The following DPP6 variants were observed in gnomAD, a reference collection of about 807,000 sequenced individuals.
DPP6 encodes the protein A-type potassium channel modulatory protein DPP6.
DPP6 carries 69 observed loss-of-function variants against 122.6 expected under a neutral mutation model. The ratio of observed to expected loss-of-function variants is 0.56; its 90% CI spans 0.46 to 0.69. The LOEUF (loss-of-function observed/expected upper bound fraction) is 0.69, where lower values mean the gene tolerates loss of function less well. Among genes scored for constraint, DPP6 ranks in the 30% least tolerant of loss-of-function variants. The pLI, the probability that DPP6 is intolerant of heterozygous loss-of-function variation, is 0.00. For missense variants in DPP6, 928 were observed against 1,116.9 expected, an observed-to-expected ratio of 0.83 and a Z score of 2.41; for synonymous variants, 418 against 433.1, an observed-to-expected ratio of 0.97 and a Z score of 0.43.
chr7:154,763,580 G>A (rs1380132155), intron 8 of DPP6, among the ~76,000 whole-genome samples: 5 of 152,032 alleles, frequency 3.3e-5, no homozygotes, highest in East Asian at 1.9e-4. Context: ...AGCAGCCTGC[G>A]TGCTCCTAAT....
intron 1 of DPP6, 52 bp downstream of exon 1, chr7:154,053,115 C>G: frequency 9.6e-7 from 1 of 1,045,604 alleles, no homozygotes; most frequent in Non-Finnish European, 1.2e-6. Flanking sequence ...GGGCTGAGCG[C>G]GCAGCGAGAC....
At chr7:154,638,076 C>T (rs567717355) in intron 6 of DPP6, among the ~76,000 whole-genome samples, 3 of 152,168 alleles carry the variant, frequency 2.0e-5, no homozygotes, top group African/African-American at 4.8e-5. Context: ...CCACTCACTT[C>T]CCCATTTGTG....
intron 1 of DPP6, among the ~76,000 whole-genome samples, chr7:154,158,529 G>A (rs3102257): frequency 0.023 from 3,434 of 151,316 alleles, 176 homozygotes; most frequent in African/African-American, 0.079. Context: ...AGGCTATTCC[G>A]AAGAAACAGA....
At chr7:154,615,182 C>A (rs2130824220) in intron 5 of DPP6, among the ~76,000 whole-genome samples, 1 of 150,962 alleles carries the variant, frequency 6.6e-6, no homozygotes, top group South Asian at 2.1e-4. Context: ...GGAGCCAGAA[C>A]CAGAGCCAAA....
At chr7:154,518,896 G>A (rs1352450011) in intron 3 of DPP6, among the ~76,000 whole-genome samples, 1 of 152,112 alleles carries the variant, frequency 6.6e-6, no homozygotes, top group Non-Finnish European at 1.5e-5. Context: ...CCTGTCTGAG[G>A]TTCCACAGTT....
intron 6 of DPP6, among the ~76,000 whole-genome samples, chr7:154,645,829 C>T (rs530990976): frequency 2.6e-5 from 4 of 152,032 alleles, no homozygotes; most frequent in African/African-American, 9.6e-5. Context: ...GAGATCAAGA[C>T]CAGCCTGGCT....
intron 1 of DPP6, among the ~76,000 whole-genome samples, chr7:153,945,575 G>A (rs968838739): frequency 3.3e-5 from 5 of 152,178 alleles, no homozygotes; most frequent in African/African-American, 1.2e-4. Context: ...AGAGGCACAG[G>A]GTTGGCGGTG....
At chr7:154,266,195 G>A (rs940150960) in intron 1 of DPP6, among the ~76,000 whole-genome samples, 6 of 152,178 alleles carry the variant, frequency 3.9e-5, no homozygotes, top group African/African-American at 9.7e-5. Context: ...GCTACACTGT[G>A]TACACTGGTT....
At chr7:154,199,052 G>A (rs528831232) in intron 1 of DPP6, among the ~76,000 whole-genome samples, 64 of 152,024 alleles carry the variant, frequency 4.2e-4, no homozygotes, top group Non-Finnish European at 8.7e-4. Flanking sequence ...CCAAATGTGG[G>A]GACACCTGGC....
chr7:154,580,945 C>A (rs1832023748), intron 5 of DPP6, among the ~76,000 whole-genome samples: 1 of 152,176 alleles, frequency 6.6e-6, no homozygotes, highest in African/African-American at 2.4e-5. Flanking sequence ...CTGACAGAAG[C>A]CTTCCCAGTG....
chr7:154,659,705 T>G (rs553878703), intron 6 of DPP6, among the ~76,000 whole-genome samples: 1 of 152,290 alleles, frequency 6.6e-6, no homozygotes, highest in African/African-American at 2.4e-5. Flanking sequence ...ACTTCACAAC[T>G]TCCTCCCCAC....
In DPP6 at chr7:154,863,440, C is replaced by T. The variant is rs532289807; in HGVS notation, c.1715-4555C>T. On this transcript the variant is annotated intron_variant, in intron 17 of 25. Transcript: ENST00000377770. The surrounding 1 kb of genome is among the most constrained non-coding windows in gnomAD (Gnocchi z 4.1). ...TCAAGCTATCCTCCCACTGCAGCCTCGACCTCCAGAGCTCAAGCTGTCCTC... is the reference window on the plus strand; with the variant it reads ...TCAAGCTATCCTCCCACTGCAGCCTTGACCTCCAGAGCTCAAGCTGTCCTC... 6.7e-6 allele frequency among the ~76,000 whole-genome samples: 1 copy of T among 148,842 alleles called. No homozygotes were observed. The highest frequency in any genetic ancestry group is 2.5e-5 in the African/African-American group (1 of 40,530).
intron 1 of DPP6, among the ~76,000 whole-genome samples, chr7:154,060,260 C>T (rs545760083): frequency 7.5e-6 from 1 of 133,690 alleles, no homozygotes; most frequent in East Asian, 2.1e-4. Context: ...GGCGGAGGCA[C>T]CCCCCGCGAG....
chr7:154,196,067 G>C (rs762583912), intron 1 of DPP6, among the ~76,000 whole-genome samples: 5 of 152,086 alleles, frequency 3.3e-5, no homozygotes, highest in Non-Finnish European at 7.3e-5. Flanking sequence ...TATCATTTTC[G>C]CTCCATCGGA....
At chr7:154,316,201 A>C (rs1269153451) in intron 1 of DPP6, among the ~76,000 whole-genome samples, 1 of 152,168 alleles carries the variant, frequency 6.6e-6, no homozygotes, top group Non-Finnish European at 1.5e-5. Context: ...TTAAAGTGTC[A>C]TAGCCACTCT....
the DPP6 span, among the ~76,000 whole-genome samples, chr7:153,845,993 A>T: frequency 6.6e-6 from 1 of 152,118 alleles, no homozygotes; most frequent in East Asian, 1.9e-4. Flanking sequence ...TGTCTCTCTG[A>T]TAAATACATA....
At chr7:154,634,642 TTCCTCCTCC>T (rs137927151) in intron 5 of DPP6, among the ~76,000 whole-genome samples, 1 of 151,014 alleles carries the variant, frequency 6.6e-6, no homozygotes, top group Non-Finnish European at 1.5e-5. Context: ...CCTCCTCTTC[TTCCTCCTCC>T]TCCTCCTCTT....
intron 6 of DPP6, among the ~76,000 whole-genome samples, chr7:154,664,265 G>T (rs527683448): frequency 2.6e-4 from 40 of 152,282 alleles, no homozygotes; most frequent in African/African-American, 8.9e-4. Context: ...TCACCATGGC[G>T]TATTGGCCCT....
chr7:154,159,844 C>T (rs2150705371), intron 1 of DPP6, among the ~76,000 whole-genome samples: 1 of 151,984 alleles, frequency 6.6e-6, no homozygotes, highest in Middle Eastern at 3.4e-3. Flanking sequence ...CGCAGTGTCT[C>T]ACACCTGTAA....
Sources: allele counts gnomAD v4.1 joint callset (sites outside exome capture counted in the v4.1 genomes callset), GRCh38; gene constraint gnomAD v4.1.1; non-coding constraint Gnocchi (gnomAD v3.1); transcripts MANE v1.5; gene names NCBI Gene and HGNC (gene_info 2026-07-23, HGNC 2026-07-21).